The following GTSE1 variants were observed in gnomAD, a reference collection of about 807,000 sequenced individuals.
GTSE1 encodes the protein G2 and S-phase expressed 1.
GTSE1 carries 52 observed loss-of-function variants against 60.5 expected under a neutral mutation model. That is an observed-to-expected ratio of 0.86 (90% CI 0.69 to 1.08). GTSE1 has a LOEUF of 1.08. GTSE1 is among the 50% of genes least tolerant of loss of function. The pLI is 0.00. For synonymous variants in GTSE1, 368 were observed against 386.5 expected (o/e 0.95, Z 0.56); for missense variants, 937 against 961.8 (o/e 0.97, Z 0.34).
At position 46,329,681 on chromosome 22, in the gene GTSE1, C is replaced by T. The variant is rs903839420; in HGVS notation, c.2136+114C>T. 3.8e-6 allele frequency: 3 copies of T among 795,466 alleles called. No individual in the cohort carries two copies. Among genetic ancestry groups the T allele is most frequent in the East Asian group, 5.3e-5 (2 of 37,978 alleles). The allele number at this position is 795,466 out of a possible 1,614,324, so 49.3% of individuals were successfully genotyped here. A position where few individuals can be genotyped will look rare whatever the true frequency, so the allele number is the denominator to read the frequency against. On this transcript the variant is annotated intron_variant, in intron 11 of 11. Transcript: ENST00000454366. The surrounding 1 kb of genome is among the most constrained non-coding windows in gnomAD (Gnocchi z 6.4). ...CTTGAGAGTGGCTGTTGAGTCTTCT[C>T]AGCTACACACCTCAGGGCAGGATGC...
chr22:46,318,476 TTA>T lies in GTSE1; in HGVS notation c.1432+2066_1432+2067del, dbSNP rs1464988356. On this transcript the variant is annotated intron_variant, in intron 7 of 11. Coordinates refer to ENST00000454366, the MANE Select transcript of GTSE1 (RefSeq NM_016426.7). The surrounding 1 kb of genome is among the most constrained non-coding windows in gnomAD (Gnocchi z 4.8). ...GTTTAATAGGAAAAGATACGAAATG[TTA>T]TCAGATGAGCAGGCCTGCAGATCCT... is the stretch of plus-strand genomic sequence containing the variant. Among the ~76,000 whole-genome samples, 1 of 152,160 alleles carries T rather than the reference TTA, an allele frequency of 6.6e-6. No homozygotes were observed. Among genetic ancestry groups the T allele is most frequent in the East Asian group, 1.9e-4 (1 of 5,204 alleles).
rs184022385 is a variant in GTSE1, at chr22:46,326,776, T to A, written c.1724+122T>A. On this transcript the variant is annotated intron_variant, in intron 9 of 11. Transcript: ENST00000454366. ...TGAAGTAAATAGTATTTGGAAAGTT[T>A]GTTTGTTTTTTTTTTCATTGCAAAG... 36 of 641,902 alleles carry A rather than the reference T, an allele frequency of 5.6e-5. No homozygotes were observed. The Admixed American group carries it at 1.3e-3, about 23-fold the overall frequency. The allele number at this position is 641,902 out of a possible 1,614,324, so 39.8% of individuals were successfully genotyped here.
chr22:46,320,575 C>T lies in GTSE1; in HGVS notation c.1433-2615C>T, dbSNP rs1301688510. 6.6e-6 allele frequency among the ~76,000 whole-genome samples: 1 copy of T among 152,270 alleles called. No homozygotes were observed. Among genetic ancestry groups the T allele is most frequent in the African/African-American group, 2.4e-5 (1 of 41,476 alleles). ...GAGAGGTGAGGGCTGAGGGCACTCA[C>T]AGCGTGGGACCACATGAACGGTGCC... On this transcript the variant is annotated intron_variant, in intron 7 of 11. Transcript: ENST00000454366. The surrounding 1 kb of genome is among the most constrained non-coding windows in gnomAD (Gnocchi z 7.1).
In GTSE1 at chr22:46,319,183, C is replaced by T. The variant is rs189843737; in HGVS notation, c.1432+2771C>T. Among the ~76,000 whole-genome samples, 29 of 152,262 alleles carry T rather than the reference C, an allele frequency of 1.9e-4. No individual in the cohort carries two copies. Among genetic ancestry groups the T allele is most frequent in the African/African-American group, 6.0e-4 (25 of 41,560 alleles). On this transcript the variant is annotated intron_variant, in intron 7 of 11. Coordinates refer to ENST00000454366, the MANE Select transcript of GTSE1 (RefSeq NM_016426.7). The surrounding 1 kb of genome is among the most constrained non-coding windows in gnomAD (Gnocchi z 5.0). Reference sequence around the variant, plus strand: ...AAGAGATGAAGATGGAGGGGCAGCCCGAGGCCGGCTCCCAGAGCGCCGCGT... The same window carrying T: ...AAGAGATGAAGATGGAGGGGCAGCCTGAGGCCGGCTCCCAGAGCGCCGCGT...
rs1324569024 is a variant in GTSE1 at position 46,317,373 on chromosome 22, C to T, written c.1432+961C>T. On this transcript the variant is annotated intron_variant, in intron 7 of 11. Transcript: ENST00000454366. This position sits in a 1 kb window ranked among gnomAD's most constrained non-coding sequence, Gnocchi z 5.6. ...CCCATCCAGTTAACTTTGTTTCTAA[C>T]ATAATAGTTTCCCCTTATTTCTTCT... is the stretch of plus-strand genomic sequence containing the variant. Among the ~76,000 whole-genome samples the T allele has an allele frequency of 6.6e-6, 1 of 152,314 alleles. No individual in the cohort carries two copies. Among genetic ancestry groups the T allele is most frequent in the South Asian group, 2.1e-4 (1 of 4,820 alleles).
In GTSE1 at chr22:46,313,591, C is replaced by A. The variant is rs1267638825; in HGVS notation, c.928-299C>A. On this transcript the variant is annotated intron_variant, in intron 5 of 11. Coordinates refer to ENST00000454366, the MANE Select transcript of GTSE1 (RefSeq NM_016426.7). This position sits in a 1 kb window ranked among gnomAD's most constrained non-coding sequence, Gnocchi z 4.4. ...TGGCACGAGCTCAGCTCACTACAACCTCCACCTCCCGGGTTCAAGCAATTC... is the reference window on the plus strand; with the variant it reads ...TGGCACGAGCTCAGCTCACTACAACATCCACCTCCCGGGTTCAAGCAATTC... Among the ~76,000 whole-genome samples, 1 of 152,248 alleles carries A rather than the reference C, an allele frequency of 6.6e-6. No homozygotes were observed. The highest frequency in any genetic ancestry group is 2.4e-5 in the African/African-American group (1 of 41,464).
intron 2 of GTSE1, among the ~76,000 whole-genome samples, chr22:46,301,390 C>G (rs1481985938): frequency 6.6e-6 from 1 of 152,136 alleles, no homozygotes. Context: ...TAGAAATTGT[C>G]TCTTTCCCCA....
At chr22:46,327,597 T>C (rs902809821) in intron 9 of GTSE1, among the ~76,000 whole-genome samples, 1 of 151,988 alleles carries the variant, frequency 6.6e-6, no homozygotes, top group Non-Finnish European at 1.5e-5. Flanking sequence ...ATCACTTGAT[T>C]CTGGGAGGCA....
chr22:46,308,969 C>A, intron 4 of GTSE1, 26 bp downstream of exon 4: 1 of 1,581,370 alleles, frequency 6.3e-7, no homozygotes, highest in Non-Finnish European at 8.6e-7. Flanking sequence ...GAGCGCCTGC[C>A]TGGGGAGCCC....
At chr22:46,303,135 T>C (rs2077698526) in intron 2 of GTSE1, among the ~76,000 whole-genome samples, 1 of 151,162 alleles carries the variant, frequency 6.6e-6, no homozygotes, top group Non-Finnish European at 1.5e-5. Flanking sequence ...CTCCTGACCT[T>C]GTGATCCACC....
chr22:46,323,301 A>C, intron 8 of GTSE1, 39 bp downstream of exon 8: 2 of 1,460,730 alleles, frequency 1.4e-6, no homozygotes, highest in Non-Finnish European at 1.9e-6. Flanking sequence ...TTATTGCTGT[A>C]GAATGACTCA....
intron 5 of GTSE1, among the ~76,000 whole-genome samples, chr22:46,312,638 C>CAAA (rs60392526): frequency 1.5e-4 from 9 of 59,800 alleles, no homozygotes; most frequent in African/African-American, 3.5e-4. Flanking sequence ...GACCCTGTCT[C>CAAA]AAAAAAAAAA....
Position 46,326,526 on chromosome 22 carries a change from A to G in GTSE1, c.1596A>G (p.Thr532=). ...LSAWRVSALP[T]PASRRCSGLP... is the part of the protein sequence containing the mutation. ...CATGGCGTGTGTCAGCCTTGCCCAC[A>G]CCCGCCAGCCGGCGCTGCTCTGGCC... is the stretch of plus-strand genomic sequence containing the variant. Residue 532 remains threonine (T), a synonymous_variant, in exon 9 of 12, where the codon ACA becomes ACG. Transcript: ENST00000454366. 1 of 1,613,798 alleles carries G rather than the reference A, an allele frequency of 6.2e-7. No individual in the cohort carries two copies. Among genetic ancestry groups the G allele is most frequent in the Non-Finnish European group, 8.5e-7 (1 of 1,179,934 alleles).
At chr22:46,311,454 TA>T (rs1200579221) in intron 4 of GTSE1, among the ~76,000 whole-genome samples, 1 of 152,232 alleles carries the variant, frequency 6.6e-6, no homozygotes, top group Non-Finnish European at 1.5e-5. Context: ...ACAGATCTAC[TA>T]AAAACCACTG....
intron 8 of GTSE1, among the ~76,000 whole-genome samples, 184 bp downstream of exon 8, chr22:46,323,446 A>G (rs2077825821): frequency 6.6e-6 from 1 of 152,204 alleles, no homozygotes; most frequent in Non-Finnish European, 1.5e-5. Context: ...GACTTAAGAC[A>G]TCTGAGACTT....
Position 46,316,889 on chromosome 22 carries a change from C to T in GTSE1, c.1432+477C>T, listed in dbSNP as rs964759019. 1.9e-4 allele frequency among the ~76,000 whole-genome samples: 29 copies of T among 152,088 alleles called. No individual in the cohort carries two copies. The highest frequency in any genetic ancestry group is 5.8e-4 in the African/African-American group (24 of 41,522). On this transcript the variant is annotated intron_variant, in intron 7 of 11. Transcript: ENST00000454366. This position sits in a 1 kb window ranked among gnomAD's most constrained non-coding sequence, Gnocchi z 5.0. Reference sequence around the variant, plus strand: ...CTCTTGACGTTGTCTCACAGGACACCGAAGCTCTGTTCTTTTTTTTATTTC... The same window carrying T: ...CTCTTGACGTTGTCTCACAGGACACTGAAGCTCTGTTCTTTTTTTTATTTC...
Position 46,312,231 on chromosome 22 carries a change from C to G in GTSE1, c.853C>G (p.Pro285Ala). 1 of 1,614,192 alleles carries G rather than the reference C, an allele frequency of 6.2e-7. No homozygotes were observed. Among genetic ancestry groups the G allele is most frequent in the Non-Finnish European group, 8.5e-7 (1 of 1,180,034 alleles). Residue 285 changes from proline (P) to alanine (A), a missense_variant, in exon 5 of 12, where the codon CCG becomes GCG. Transcript: ENST00000454366. ...GGATGTTCTCCCTGACAAACCTGCC[C>G]CGGGTGCTGTCAATGTGCCGGCCGC... ...HRDVLPDKPA[P>A]GAVNVPAAGS... is the part of the protein sequence containing the mutation.
At position 46,297,174 on chromosome 22, in the gene GTSE1, T is replaced by A. The variant is rs1449570162; in HGVS notation, c.-21-206T>A. Among the ~76,000 whole-genome samples the A allele has an allele frequency of 1.3e-5, 2 of 150,950 alleles. No individual in the cohort carries two copies. Among genetic ancestry groups the A allele is most frequent in the African/African-American group, 4.8e-5 (2 of 41,408 alleles). ...CCGAGAATTCCGTTATCTCGTCTGA[T>A]GGCGTTCGGGCTGACTCCCGGCCTG... is the stretch of plus-strand genomic sequence containing the variant. On this transcript the variant is annotated intron_variant, in intron 1 of 11. Coordinates refer to ENST00000454366, the MANE Select transcript of GTSE1 (RefSeq NM_016426.7). The surrounding 1 kb of genome is among the most constrained non-coding windows in gnomAD (Gnocchi z 4.9).
rs759825016 is a variant in GTSE1, at chr22:46,329,568, G to A, written c.2136+1G>A. The A allele has an allele frequency of 1.9e-6, 3 of 1,612,450 alleles. No homozygotes were observed. The highest frequency in any genetic ancestry group is 2.5e-6 in the Non-Finnish European group (3 of 1,178,650). On this transcript the variant is annotated splice_donor_variant, in intron 11 of 11. Transcript: ENST00000454366. LOFTEE classifies it high-confidence loss of function. The surrounding 1 kb of genome is among the most constrained non-coding windows in gnomAD (Gnocchi z 6.4). ...CAAACCTTCACCGGTGGTGGGACAG[G>A]TGAGAAGTGGCAGGTGGTTCATGTT...
Sources: allele counts gnomAD v4.1 joint callset (sites outside exome capture counted in the v4.1 genomes callset), GRCh38; gene constraint gnomAD v4.1.1; non-coding constraint Gnocchi (gnomAD v3.1); transcripts MANE v1.5; gene names NCBI Gene and HGNC (gene_info 2026-07-23, HGNC 2026-07-21).